ANKK1: variants seen among roughly 807,000 people sequenced by gnomAD.
ANKK1 encodes the protein ankyrin repeat and kinase domain containing 1.
A neutral mutation model predicts 37.6 loss-of-function variants in ANKK1; 37 were observed. That is an observed-to-expected ratio of 0.98 (90% CI 0.76 to 1.29). ANKK1 has a LOEUF of 1.29. Among genes scored for constraint, ANKK1 ranks in the 50% most tolerant of loss-of-function variants. The probability of loss-of-function intolerance (pLI) is 0.00; values close to 1 mark genes in which losing one functional copy is unlikely to be tolerated. For synonymous variants in ANKK1, 415 were observed against 418.7 expected (o/e 0.99, Z 0.11); for missense variants, 1,019 against 990.6 (o/e 1.03, Z -0.39).
In ANKK1 at chr11:113,393,539, C is replaced by T. The variant is rs775389248; in HGVS notation, c.244C>T (p.His82Tyr). ...AAKMKKIKFQ[H>Y]IVSIYGVCKQ... is the part of the protein sequence containing the mutation. ...CAAAATGAAGAAGATCAAGTTTCAG[C>T]ACATCGTGTCTATCTACGGGGTGTG... The change falls in exon 2 of 8, where the codon CAC (histidine) becomes TAC (tyrosine). Residue 82 changes from histidine to tyrosine, a missense_variant. Coordinates refer to ENST00000303941, the MANE Select transcript of ANKK1 (RefSeq NM_178510.2). 6.2e-6 allele frequency: 10 copies of T among 1,613,872 alleles called. No individual in the cohort carries two copies. The South Asian group carries it at 8.8e-5, about 14-fold the overall frequency.
At position 113,397,225 on chromosome 11, in the gene ANKK1, C is replaced by A. The variant is rs138608171; in HGVS notation, c.840C>A (p.Asp280Glu). ...GTCTTTCTCCCACTCATGGAGCAGA[C>A]ATTACCATCGAGACAGACATACTGC... ...QDPKKRPCFL[D>E]ITIETDILLS... is the part of the protein sequence containing the mutation. The change falls in exon 6 of 8, where the codon GAC becomes GAA. Residue 280 changes from aspartate to glutamate, a missense_variant and splice_region_variant. Transcript: ENST00000303941. The A allele has an allele frequency of 4.5e-3, 7,303 of 1,606,608 alleles. 22 individuals are homozygous for A. The highest frequency in any genetic ancestry group is 5.7e-3 in the Non-Finnish European group (6,750 of 1,179,446).
chr11:113,400,271 A>T lies in ANKK1; in HGVS notation c.*4A>T. 6.5e-7 allele frequency: 1 copy of T among 1,534,240 alleles called. No individual in the cohort carries two copies. The highest frequency in any genetic ancestry group is 8.8e-7 in the Non-Finnish European group (1 of 1,136,838). On this transcript the variant is annotated 3_prime_UTR_variant, in exon 8 of 8. Coordinates refer to ENST00000303941, the MANE Select transcript of ANKK1 (RefSeq NM_178510.2). Reference sequence around the variant, plus strand: ...AGGAGCCGAGATGGAAATTTAGACAACTTGGCCAGCCGTGGTGGCTCACGT... The same window carrying T: ...AGGAGCCGAGATGGAAATTTAGACATCTTGGCCAGCCGTGGTGGCTCACGT...
chr11:113,394,572 C>G (rs1325809378), intron 2 of ANKK1, among the ~76,000 whole-genome samples: 1 of 152,190 alleles, frequency 6.6e-6, no homozygotes, highest in Non-Finnish European at 1.5e-5. Flanking sequence ...GAATAGCTTA[C>G]CGAAGGTGGC....
intron 3 of ANKK1, 66 bp from the exon 4 acceptor site, chr11:113,395,293 A>AC (rs1183330876): frequency 1.3e-5 from 20 of 1,599,226 alleles, no homozygotes; most frequent in Non-Finnish European, 1.4e-5. Flanking sequence ...CGACCCTGCC[A>AC]CCCCGGGCTG....
Position 113,397,217 on chromosome 11 carries a change from G to T in ANKK1, c.839-7G>T. 6.2e-7 allele frequency: 1 copy of T among 1,604,294 alleles called. No homozygotes were observed. Among genetic ancestry groups the T allele is most frequent in the Non-Finnish European group, 8.5e-7 (1 of 1,178,668 alleles). On this transcript the variant is annotated splice_region_variant and splice_polypyrimidine_tract_variant and intron_variant, in intron 5 of 7. Transcript: ENST00000303941. ...CCTTTCCTGTCTTTCTCCCACTCAT[G>T]GAGCAGACATTACCATCGAGACAGA...
At chr11:113,397,491 G>T (rs535938237) in intron 6 of ANKK1, 149 bp downstream of exon 6, 50 of 652,702 alleles carry the variant, frequency 7.7e-5, no homozygotes, top group African/African-American at 6.7e-4. Context: ...TCCCTAATTT[G>T]CATGAAGGTA....
Position 113,388,045 on chromosome 11 carries a change from C to G in ANKK1, c.161C>G (p.Pro54Arg). The change falls in exon 1 of 8, where the codon CCC (proline) becomes CGC (arginine). Residue 54 changes from proline to arginine, a missense_variant. Coordinates refer to ENST00000303941, the MANE Select transcript of ANKK1 (RefSeq NM_178510.2). The stretch of plus-strand genomic sequence containing the variant: ...ACGGAGTACGCCATCAAGTGCGCCC[C>G]CTGCCTTCCACCCGACGCCGCCAGG... ...WRTEYAIKCAPCLPPDAASSD... is the reference protein window; with the variant it reads ...WRTEYAIKCARCLPPDAASSD... The G allele has an allele frequency of 6.5e-7, 1 of 1,528,376 alleles. No homozygotes were observed. The highest frequency in any genetic ancestry group is 8.8e-7 in the Non-Finnish European group (1 of 1,135,832). 94.7% of individuals were successfully genotyped at this position (1,528,376 alleles called of 1,614,324 possible).
In ANKK1 at chr11:113,388,057, C is replaced by T. The variant is rs752893588; in HGVS notation, c.173C>T (p.Pro58Leu). ...YAIKCAPCLPPDAASSDVNYL... is the reference protein window; with the variant it reads ...YAIKCAPCLPLDAASSDVNYL... Reference sequence around the variant, plus strand: ...ATCAAGTGCGCCCCCTGCCTTCCACCCGACGCCGCCAGGTACTGCCAGCCT... The same window carrying T: ...ATCAAGTGCGCCCCCTGCCTTCCACTCGACGCCGCCAGGTACTGCCAGCCT... Residue 58 changes from proline to leucine, a missense_variant, in exon 1 of 8, where the codon CCC becomes CTC. Transcript: ENST00000303941. 2.0e-6 allele frequency: 3 copies of T among 1,509,870 alleles called. No homozygotes were observed. In the South Asian group the frequency reaches 3.7e-5, roughly 19 times the overall value. 93.5% of individuals were successfully genotyped at this position (1,509,870 alleles called of 1,614,324 possible).
chr11:113,396,173 G>A lies in ANKK1; in HGVS notation c.789G>A (p.Leu263=). The change falls in exon 5 of 8, where the codon CTG becomes CTA. Residue 263 remains leucine (L), a synonymous_variant. Transcript: ENST00000303941. ...WPSEAQQMVD[L]MKRCWDQDPK... is the part of the protein sequence containing the mutation. ...GCGAGGCCCAGCAGATGGTGGACCTGATGAAACGCTGCTGGGACCAGGACC... is the reference window on the plus strand; with the variant it reads ...GCGAGGCCCAGCAGATGGTGGACCTAATGAAACGCTGCTGGGACCAGGACC... 6.2e-7 allele frequency: 1 copy of A among 1,613,992 alleles called. No homozygotes were observed. Among genetic ancestry groups the A allele is most frequent in the Non-Finnish European group, 8.5e-7 (1 of 1,179,896 alleles).
At chr11:113,394,550 C>A (rs1000957717) in intron 2 of ANKK1, among the ~76,000 whole-genome samples, 1 of 152,162 alleles carries the variant, frequency 6.6e-6, no homozygotes, top group Non-Finnish European at 1.5e-5. Flanking sequence ...TCAGGGCCCC[C>A]GGAGGTGCAA....
At position 113,397,257 on chromosome 11, in the gene ANKK1, T is replaced by C. The variant is rs1345327389; in HGVS notation, c.872T>C (p.Leu291Pro). ...ATCGAGACAGACATACTGCTGTCAC[T>C]GCTGCAGAGTCGTGTGGCAGTCCCA... ...ITIETDILLS[L>P]LQSRVAVPES... The change falls in exon 6 of 8, where the codon CTG becomes CCG. Residue 291 changes from leucine to proline, a missense_variant. By Grantham distance (98) the Leu-to-Pro change is moderately conservative (BLOSUM62 -3). Coordinates refer to ENST00000303941, the MANE Select transcript of ANKK1 (RefSeq NM_178510.2). 1 of 1,611,292 alleles carries C rather than the reference T, an allele frequency of 6.2e-7. No homozygotes were observed. Among genetic ancestry groups the C allele is most frequent in the East Asian group, 2.2e-5 (1 of 44,876 alleles).
Position 113,396,180 on chromosome 11 carries a change from C to T in ANKK1, c.796C>T (p.Arg266Cys), listed in dbSNP as rs771060056. Residue 266 changes from arginine (R) to cysteine (C), a missense_variant, in exon 5 of 8, where the codon CGC (arginine) becomes TGC (cysteine). Arg to Cys is a radical substitution (Grantham distance 180, BLOSUM62 -3). Coordinates refer to ENST00000303941, the MANE Select transcript of ANKK1 (RefSeq NM_178510.2). ...CCAGCAGATGGTGGACCTGATGAAA[C>T]GCTGCTGGGACCAGGACCCCAAGAA... ...EAQQMVDLMKRCWDQDPKKRP... is the reference protein window; with the variant it reads ...EAQQMVDLMKCCWDQDPKKRP... 77 of 1,613,972 alleles carry T rather than the reference C, an allele frequency of 4.8e-5. No individual in the cohort carries two copies. The East Asian group carries it at 6.7e-4, about 14-fold the overall frequency.
intron 5 of ANKK1, 130 bp downstream of exon 5, chr11:113,396,352 T>A (rs1456050047): frequency 4.1e-6 from 5 of 1,228,974 alleles, no homozygotes; most frequent in East Asian, 4.8e-5. Flanking sequence ...CTTTTTTTTT[T>A]TTTTTTTCAG....
At chr11:113,388,112 A>T (rs769430211) in intron 1 of ANKK1, 43 bp downstream of exon 1, 1 of 1,437,238 alleles carries the variant, frequency 7.0e-7, no homozygotes, top group African/African-American at 1.5e-5. Context: ...GGAGAAACTG[A>T]GGCCCGGCAA....
rs1950558584 is a variant in ANKK1 at position 113,388,018 on chromosome 11, G to T, written c.134G>T (p.Arg45Leu). 1 of 1,563,896 alleles carries T rather than the reference G, an allele frequency of 6.4e-7. No homozygotes were observed. The change falls in exon 1 of 8, where the codon CGG becomes CTG. Residue 45 changes from arginine to leucine, a missense_variant. Coordinates refer to ENST00000303941, the MANE Select transcript of ANKK1 (RefSeq NM_178510.2). ...QVFQARHRRW[R>L]TEYAIKCAPC... ...TTCCAGGCGCGGCACAGGCGCTGGC[G>T]GACGGAGTACGCCATCAAGTGCGCC...
intron 1 of ANKK1, among the ~76,000 whole-genome samples, chr11:113,391,540 A>G (rs542686972): frequency 6.9e-4 from 105 of 152,158 alleles, no homozygotes; most frequent in African/African-American, 2.4e-3. Flanking sequence ...CAGTATTTTG[A>G]AGGTGGTGCT....
chr11:113,393,753 T>A lies in ANKK1; in HGVS notation c.458T>A (p.Leu153Gln), dbSNP rs1289777190. 1.9e-6 allele frequency: 3 copies of A among 1,607,096 alleles called. No individual in the cohort carries two copies. In the African/African-American group the frequency reaches 4.0e-5, roughly 21 times the overall value. Residue 153 changes from leucine to glutamine, a missense_variant, in exon 2 of 8, where the codon CTG (leucine) becomes CAG (glutamine). Coordinates refer to ENST00000303941, the MANE Select transcript of ANKK1 (RefSeq NM_178510.2). ...GACCTCAAGCCGGGCAACATACTCCTGGACAGCAACATGCATGTCAAAGTA... is the reference window on the plus strand; with the variant it reads ...GACCTCAAGCCGGGCAACATACTCCAGGACAGCAACATGCATGTCAAAGTA... ...HLDLKPGNIL[L>Q]DSNMHVKISD... is the part of the protein sequence containing the mutation.
At chr11:113,396,257 A>G in intron 5 of ANKK1, 35 bp downstream of exon 5, 1 of 1,602,628 alleles carries the variant, frequency 6.2e-7, no homozygotes, top group South Asian at 1.1e-5. Context: ...AGGGACTGGG[A>G]GCTGGGTGGG....
intron 5 of ANKK1, 36 bp from the exon 6 acceptor site, chr11:113,397,188 G>A (rs763382471): frequency 6.4e-7 from 1 of 1,571,440 alleles, no homozygotes; most frequent in Admixed American, 1.7e-5. Flanking sequence ...CCAGCCCGTT[G>A]CTTCCTTTCC....
Sources: gnomAD v4.1 joint callset for allele counts (sites outside exome capture counted in the v4.1 genomes callset) on GRCh38, gnomAD v4.1.1 for gene constraint, MANE v1.5 for transcripts, NCBI Gene and HGNC (gene_info 2026-07-23, HGNC 2026-07-21) for gene names.